SMC5: variants seen among roughly 807,000 people sequenced by gnomAD.
SMC5 encodes the protein structural maintenance of chromosomes protein 5.
SMC5 carries 88 observed loss-of-function variants against 148.3 expected under a neutral mutation model. The observed-to-expected ratio is 0.59, with a 90% CI of 0.50 to 0.71. SMC5 has a LOEUF of 0.71. Ranked by LOEUF, SMC5 falls within the 30% of genes least tolerant of loss-of-function variation. The pLI is 0.00. For synonymous variants in SMC5, 421 were observed against 432.8 expected (o/e 0.97, Z 0.34); for missense variants, 1,142 against 1,298.9 (o/e 0.88, Z 1.86).
intron 15 of SMC5, among the ~76,000 whole-genome samples, chr9:70,321,815 A>G (rs183639767): frequency 2.4e-4 from 37 of 152,340 alleles, no homozygotes; most frequent in Admixed American, 1.8e-3. Flanking sequence ...GATAAAAGCT[A>G]TTAGGGTTTC....
At chr9:70,279,742 G>A (rs1312132827) in intron 5 of SMC5, among the ~76,000 whole-genome samples, 2 of 151,478 alleles carry the variant, frequency 1.3e-5, no homozygotes, top group Admixed American at 1.3e-4. Context: ...GTTTGAACCT[G>A]GGAGGCGGAG....
chr9:70,325,910 CATA>C (rs1017246056), intron 17 of SMC5, among the ~76,000 whole-genome samples: 1 of 151,896 alleles, frequency 6.6e-6, no homozygotes, highest in African/African-American at 2.4e-5. Context: ...AAGATATTTG[CATA>C]ATAATAAACT....
rs569078051 is a variant in SMC5, at chr9:70,353,208, T to C, written c.*877T>C. 70 of 152,218 alleles carry C rather than the reference T, an allele frequency of 4.6e-4. No individual in the cohort carries two copies. The highest frequency in any genetic ancestry group is 1.5e-3 in the African/African-American group (64 of 41,568). The allele number at this position is 152,218 out of a possible 1,614,324, so 9.4% of individuals were successfully genotyped here. On this transcript the variant is annotated 3_prime_UTR_variant, in exon 25 of 25. Coordinates refer to ENST00000361138, the MANE Select transcript of SMC5 (RefSeq NM_015110.4). ...AAATTTCATATACTGGTTTCTACAA[T>C]TTATATTTGAAATTTCTCAGTGTTA...
chr9:70,259,358 G>A, intron 1 of SMC5, 95 bp downstream of exon 1: 2 of 1,316,690 alleles, frequency 1.5e-6, no homozygotes, highest in Non-Finnish European at 1.0e-6. Context: ...GTGTGGGTGT[G>A]TACCTGGCTT....
At chr9:70,344,378 A>G (rs1025146220) in intron 18 of SMC5, 109 bp downstream of exon 18, 1 of 757,930 alleles carries the variant, frequency 1.3e-6, no homozygotes, top group African/African-American at 1.8e-5. Context: ...GTCGTAAAAA[A>G]TAGGGAGTTT....
chr9:70,329,170 G>A (rs1036888769), intron 17 of SMC5, among the ~76,000 whole-genome samples: 1 of 152,206 alleles, frequency 6.6e-6, no homozygotes, highest in African/African-American at 2.4e-5. Flanking sequence ...CCATTGTCTT[G>A]GCTGTTAACA....
At chr9:70,277,042 T>A (rs2034612960) in intron 3 of SMC5, among the ~76,000 whole-genome samples, 1 of 152,204 alleles carries the variant, frequency 6.6e-6, no homozygotes, top group African/African-American at 2.4e-5. Context: ...CCTCTAGTAG[T>A]GTTTATGAAT....
intron 24 of SMC5, among the ~76,000 whole-genome samples, chr9:70,351,368 A>AG (rs1212619070): frequency 1.3e-5 from 2 of 151,878 alleles, no homozygotes; most frequent in African/African-American, 4.8e-5. Flanking sequence ...AAAAAAAAAA[A>AG]ATTGTTTTTG....
intron 17 of SMC5, among the ~76,000 whole-genome samples, chr9:70,334,907 G>A (rs2036320118): frequency 6.6e-6 from 1 of 152,090 alleles, no homozygotes; most frequent in Admixed American, 6.6e-5. Context: ...GAAAAAGAAA[G>A]ATGTCCAACC....
Position 70,323,519 on chromosome 9 carries a change from AG to A in SMC5, c.2188del (p.Glu730ArgfsTer13). The stretch of plus-strand genomic sequence containing the variant: ...TGGAACAGGATACTTGCAATCTTGA[AG>A]AGGAAGAGCGAAAAGCAAGTACCAA... ...LMEQDTCNLE[E>X]EERKASTKIK... On this transcript the variant is annotated frameshift_variant, in exon 16 of 25. Transcript: ENST00000361138. LOFTEE classifies it high-confidence loss of function. 1 of 1,611,946 alleles carries A rather than the reference AG, an allele frequency of 6.2e-7. No individual in the cohort carries two copies. The highest frequency in any genetic ancestry group is 8.5e-7 in the Non-Finnish European group (1 of 1,179,522).
At chr9:70,329,314 T>C (rs2036164399) in intron 17 of SMC5, among the ~76,000 whole-genome samples, 1 of 152,228 alleles carries the variant, frequency 6.6e-6, no homozygotes, top group Non-Finnish European at 1.5e-5. Flanking sequence ...TTTAAAGTTC[T>C]AGTTTCAGGT....
chr9:70,261,598 G>C (rs1030716407), intron 1 of SMC5, among the ~76,000 whole-genome samples: 2 of 152,208 alleles, frequency 1.3e-5, no homozygotes, highest in Non-Finnish European at 2.9e-5. Flanking sequence ...CAGAATGTAG[G>C]AGTCTGGAGC....
In SMC5 at chr9:70,277,337, C is replaced by A. The variant is rs1005824245; in HGVS notation, c.408C>A (p.Ile136=). The A allele has an allele frequency of 1.9e-6, 3 of 1,579,424 alleles. No homozygotes were observed. The highest frequency in any genetic ancestry group is 2.7e-5 in the African/African-American group (2 of 73,100). The part of the protein sequence containing the change: ...ELFRASGNLV[I]TREIDVAKNQ... Reference sequence around the variant, plus strand: ...TCAGGGCTTCTGGAAATCTTGTAATCACCCGTGAGATTGATGTGGCAAAAA... The same window carrying A: ...TCAGGGCTTCTGGAAATCTTGTAATAACCCGTGAGATTGATGTGGCAAAAA... Residue 136 remains isoleucine (I), a synonymous_variant, in exon 4 of 25, where the codon ATC becomes ATA. Coordinates refer to ENST00000361138, the MANE Select transcript of SMC5 (RefSeq NM_015110.4).
At chr9:70,333,894 TAAATTC>T (rs2036290294) in intron 17 of SMC5, among the ~76,000 whole-genome samples, 1 of 3,362 alleles carries the variant, frequency 3.0e-4, no homozygotes, top group African/African-American at 4.8e-4. Context: ...TTCCAAATCT[TAAATTC>T]AATAAAATTC....
At chr9:70,323,691 T>A in intron 16 of SMC5, 85 bp downstream of exon 16, 23 of 1,307,130 alleles carry the variant, frequency 1.8e-5, no homozygotes, top group East Asian at 2.5e-5. Context: ...GAGGGAAGGT[T>A]TTGATTAAGG....
At chr9:70,327,502 A>G (rs967234629) in intron 17 of SMC5, among the ~76,000 whole-genome samples, 1 of 152,236 alleles carries the variant, frequency 6.6e-6, no homozygotes, top group African/African-American at 2.4e-5. Flanking sequence ...GTCTAAATGC[A>G]CAAGTTTATA....
intron 22 of SMC5, among the ~76,000 whole-genome samples, chr9:70,349,892 C>T (rs1278175585): frequency 6.6e-6 from 1 of 152,096 alleles, no homozygotes; most frequent in African/African-American, 2.4e-5. Flanking sequence ...ATTTCCTTAT[C>T]TAAATAGTTC....
chr9:70,297,152 C>A (rs1472224918), intron 8 of SMC5, among the ~76,000 whole-genome samples: 1 of 152,104 alleles, frequency 6.6e-6, no homozygotes, highest in Non-Finnish European at 1.5e-5. Flanking sequence ...CAACCCAAGT[C>A]CAAACACAAA....
intron 17 of SMC5, among the ~76,000 whole-genome samples, chr9:70,325,409 A>T (rs1337024277): frequency 1.3e-5 from 2 of 152,210 alleles, no homozygotes; most frequent in African/African-American, 4.8e-5. Context: ...GGCTCAGAGA[A>T]TCCAGATATC....
Sources: gnomAD v4.1 joint callset for allele counts (sites outside exome capture counted in the v4.1 genomes callset) on GRCh38, gnomAD v4.1.1 for gene constraint, MANE v1.5 for transcripts, NCBI Gene and HGNC (gene_info 2026-07-23, HGNC 2026-07-21) for gene names.